Variants in SLIT3 observed in about 807,000 individuals in gnomAD.
SLIT3 encodes slit guidance ligand 3.
SLIT3 carries 68 observed loss-of-function variants against 184.0 expected under a neutral mutation model. The ratio of observed to expected loss-of-function variants is 0.37; its 90% CI spans 0.30 to 0.45. The LOEUF (loss-of-function observed/expected upper bound fraction) is 0.45. Among genes scored for constraint, SLIT3 ranks in the 20% least tolerant of loss-of-function variants. The pLI is 1.00. For missense variants in SLIT3, 1,707 were observed against 2,026.0 expected, an observed-to-expected ratio of 0.84 and a Z score of 3.02; for synonymous variants, 831 against 828.6, an observed-to-expected ratio of 1.00 and a Z score of -0.05.
At chr5:168,999,558 T>A (rs1348813687) in intron 4 of SLIT3, among the ~76,000 whole-genome samples, 1 of 152,108 alleles carries the variant, frequency 6.6e-6, no homozygotes, top group Non-Finnish European at 1.5e-5. Flanking sequence ...TGGGCTCCAT[T>A]GCTGATGAAC....
At chr5:168,810,217 G>A (rs563026500) in intron 8 of SLIT3, among the ~76,000 whole-genome samples, 2 of 152,310 alleles carry the variant, frequency 1.3e-5, no homozygotes, top group South Asian at 2.1e-4. Flanking sequence ...AGAGAGGAAT[G>A]GGAATAGCAA....
intron 4 of SLIT3, among the ~76,000 whole-genome samples, chr5:169,177,162 CA>C (rs1763012096): frequency 6.6e-6 from 1 of 152,136 alleles, no homozygotes; most frequent in Non-Finnish European, 1.5e-5. Flanking sequence ...CCTCATCACA[CA>C]AGGCAAATGC....
At chr5:169,288,069 T>C (rs1480808874) in intron 1 of SLIT3, among the ~76,000 whole-genome samples, 2 of 151,900 alleles carry the variant, frequency 1.3e-5, no homozygotes, top group Non-Finnish European at 2.9e-5. Flanking sequence ...GAGAGAAAAA[T>C]AAAGATATTA....
At chr5:169,202,621 A>G (rs1763937457) in intron 3 of SLIT3, among the ~76,000 whole-genome samples, 2 of 152,148 alleles carry the variant, frequency 1.3e-5, no homozygotes, top group South Asian at 4.1e-4. Flanking sequence ...GAAACAAGGA[A>G]TATTTGCCGG....
chr5:169,055,606 C>G (rs1335778113), intron 4 of SLIT3, among the ~76,000 whole-genome samples: 2 of 152,112 alleles, frequency 1.3e-5, no homozygotes, highest in Non-Finnish European at 2.9e-5. Flanking sequence ...CTTTGGGAGG[C>G]CAAGGCGGGT....
intron 3 of SLIT3, among the ~76,000 whole-genome samples, chr5:169,196,163 A>G (rs1281169082): frequency 2.4e-4 from 5 of 21,006 alleles, no homozygotes; most frequent in Admixed American, 7.5e-4. Context: ...CTAAAGTAGA[A>G]AAAAAAAAAG....
chr5:169,285,510 A>G (rs6555854), intron 1 of SLIT3, among the ~76,000 whole-genome samples: 120,079 of 152,122 alleles, frequency 0.79, 47,628 homozygotes, highest in African/African-American at 0.87. Flanking sequence ...TGGAGAGATG[A>G]CCCCTACCCT....
At chr5:169,140,913 C>T (rs1209583839) in intron 4 of SLIT3, among the ~76,000 whole-genome samples, 1 of 152,182 alleles carries the variant, frequency 6.6e-6, no homozygotes, top group Non-Finnish European at 1.5e-5. Flanking sequence ...TTAAATCTGG[C>T]CATCACCCTA....
chr5:168,898,296 ACT>A (rs1460166343), intron 4 of SLIT3, among the ~76,000 whole-genome samples: 1 of 152,040 alleles, frequency 6.6e-6, no homozygotes, highest in Non-Finnish European at 1.5e-5. Flanking sequence ...GAGCAGCGCC[ACT>A]TAGAGGAGTG....
intron 4 of SLIT3, among the ~76,000 whole-genome samples, chr5:169,043,911 G>A (rs142393087): frequency 3.9e-5 from 6 of 152,340 alleles, no homozygotes; most frequent in African/African-American, 1.4e-4. Flanking sequence ...CAAGTCAACA[G>A]TAAGAATGAC....
intron 1 of SLIT3, chr5:169,263,672 G>A (rs769608250): frequency 3.9e-6 from 2 of 511,674 alleles, no homozygotes; most frequent in Non-Finnish European, 8.0e-6. Flanking sequence ...GTGTGCTAGG[G>A]CTGCCATAGC....
intron 1 of SLIT3, among the ~76,000 whole-genome samples, chr5:169,297,468 A>G (rs1223630174): frequency 6.6e-6 from 1 of 152,194 alleles, no homozygotes; most frequent in Admixed American, 6.5e-5. Flanking sequence ...CAGAGAAGCA[A>G]TATACACAGA....
At chr5:168,770,680 T>C (rs571849314) in intron 14 of SLIT3, among the ~76,000 whole-genome samples, 5 of 152,248 alleles carry the variant, frequency 3.3e-5, no homozygotes, top group South Asian at 2.1e-4. Context: ...AAAAGGTATC[T>C]TAGAGTCAAT....
rs142626681 is a variant in SLIT3, at chr5:168,837,175, G to A, written c.557+7409C>T. ...AAGTTACAGATGCTTTCTATAGAGT[G>A]CAATTTTAATCCTGATTGCATGAAC... On this transcript the variant is annotated intron_variant, in intron 6 of 35. Transcript: ENST00000519560. Among the ~76,000 whole-genome samples, 449 of 152,172 alleles carry A rather than the reference G, an allele frequency of 3.0e-3. 1 individual carries two copies. The highest frequency in any genetic ancestry group is 0.011 in the African/African-American group (437 of 41,518).
intron 4 of SLIT3, among the ~76,000 whole-genome samples, chr5:168,924,351 G>A (rs1199188709): frequency 6.6e-6 from 1 of 152,082 alleles, no homozygotes; most frequent in East Asian, 1.9e-4. Context: ...TCCTTCCTGC[G>A]GGTTGGGACC....
At chr5:168,697,828 T>A (rs1246047078) in intron 27 of SLIT3, among the ~76,000 whole-genome samples, 1 of 152,182 alleles carries the variant, frequency 6.6e-6, no homozygotes, top group African/African-American at 2.4e-5. Flanking sequence ...AGACAGAGGG[T>A]AGGTTTCTGA....
chr5:169,244,629 AAAAACAAAAC>A (rs757376022), intron 3 of SLIT3, 66 bp downstream of exon 3: 17 of 1,397,352 alleles, frequency 1.2e-5, no homozygotes, highest in Non-Finnish European at 1.5e-5. Context: ...GCCAATTTAC[AAAAACAAAAC>A]AAAACAAAAC....
At chr5:169,158,020 AAAG>A (rs1762365287) in intron 4 of SLIT3, among the ~76,000 whole-genome samples, 1 of 152,114 alleles carries the variant, frequency 6.6e-6, no homozygotes, top group Non-Finnish European at 1.5e-5. Context: ...CAGATATCAA[AAAG>A]AAGAGGGAGA....
chr5:169,070,797 C>CAAA (rs34764320), intron 4 of SLIT3, among the ~76,000 whole-genome samples: 2 of 116,064 alleles, frequency 1.7e-5, no homozygotes, highest in African/African-American at 6.3e-5. Flanking sequence ...ACATTTTCCT[C>CAAA]AAAAAAAAAA....
Sources: gnomAD v4.1 joint callset for allele counts (sites outside exome capture counted in the v4.1 genomes callset) on GRCh38, gnomAD v4.1.1 for gene constraint, MANE v1.5 for transcripts, NCBI Gene and HGNC (gene_info 2026-07-23, HGNC 2026-07-21) for gene names.